PIEZO1: variants seen among roughly 807,000 people sequenced by gnomAD.
PIEZO1 encodes piezo type mechanosensitive ion channel component 1 (Er blood group), also known as piezo-type mechanosensitive ion channel component 1.
Under a neutral mutation model 297.2 loss-of-function variants are expected in PIEZO1, and 296 were observed. That is an observed-to-expected ratio of 1.00 (90% CI 0.91 to 1.10). The LOEUF is 1.10. Among genes scored for constraint, PIEZO1 ranks in the 50% least tolerant of loss-of-function variants. The probability of loss-of-function intolerance (pLI) is 0.00; values close to 1 mark genes in which losing one functional copy is unlikely to be tolerated. For synonymous variants in PIEZO1, 2,427 were observed against 1,507.5 expected, an observed-to-expected ratio of 1.61 and a Z score of -14.13; for missense variants, 5,018 against 3,455.5, an observed-to-expected ratio of 1.45 and a Z score of -11.34.
chr16:88,749,564 G>T (rs546840018), intron 1 of PIEZO1, 85 bp from the exon 2 acceptor site: 1 of 1,032,166 alleles, frequency 9.7e-7, no homozygotes. Context: ...GGCCCAGCTC[G>T]TCACACCGCC....
chr16:88,716,949 G>T, intron 45 of PIEZO1, 51 bp from the exon 46 acceptor site: 1 of 1,544,972 alleles, frequency 6.5e-7, no homozygotes, highest in South Asian at 1.2e-5. Flanking sequence ...TGGAGGAGCG[G>T]CTGGGGGTGG....
intron 1 of PIEZO1, among the ~76,000 whole-genome samples, chr16:88,766,388 A>G (rs1363561324): frequency 6.6e-6 from 1 of 152,234 alleles, no homozygotes; most frequent in East Asian, 1.9e-4. Context: ...CAGACGTGAC[A>G]GCCCCACAAT....
chr16:88,749,107 G>A (rs943133297), intron 2 of PIEZO1, among the ~76,000 whole-genome samples: 16 of 151,760 alleles, frequency 1.1e-4, no homozygotes, highest in South Asian at 4.2e-4. Context: ...AGGCGTGGTG[G>A]CGGGCGCCTG....
At chr16:88,766,072 G>C (rs111532330) in intron 1 of PIEZO1, among the ~76,000 whole-genome samples, 3,893 of 152,306 alleles carry the variant, frequency 0.026, 87 homozygotes, top group African/African-American at 0.051. Flanking sequence ...CGGCAGCGTG[G>C]GTGCCGTGGT....
At chr16:88,779,316 G>A (rs1273286684) in intron 1 of PIEZO1, among the ~76,000 whole-genome samples, 3 of 152,198 alleles carry the variant, frequency 2.0e-5, no homozygotes, top group Non-Finnish European at 4.4e-5. Flanking sequence ...TGGGATTACA[G>A]GTGTGAGCCA....
At chr16:88,717,561 C>T (rs937370632) in intron 44 of PIEZO1, 2 of 492,002 alleles carry the variant, frequency 4.1e-6, no homozygotes, top group Admixed American at 2.3e-5. Context: ...AAGAGCGAAA[C>T]TTCAGAGCTA....
At chr16:88,718,788 G>C (rs950358999) in intron 44 of PIEZO1, 1 of 152,916 alleles carries the variant, frequency 6.5e-6, no homozygotes, top group African/African-American at 2.4e-5. Context: ...GCTTAATGCA[G>C]CCCTGTACTC....
chr16:88,721,246 G>A lies in PIEZO1; in HGVS notation c.5588C>T (p.Pro1863Leu), dbSNP rs1380414244. 1.3e-6 allele frequency: 2 copies of A among 1,542,194 alleles called. No individual in the cohort carries two copies. The highest frequency in any genetic ancestry group is 1.7e-6 in the Non-Finnish European group (2 of 1,146,352). ...GTPEPQVELR[P>L]RDTRRISLRF... ...TAGACTGATGCGCCTCGTATCACGG[G>A]GCCTGAGCTCCACTTGGGGTTCTGG... Residue 1863 changes from proline (P) to leucine (L), a missense_variant, in exon 39 of 51, where the codon CCC becomes CTC. Coordinates refer to ENST00000301015, the MANE Select transcript of PIEZO1 (RefSeq NM_001142864.4).
At position 88,726,369 on chromosome 16, in the gene PIEZO1, GGAA is replaced by G. The variant is rs764131986; in HGVS notation, c.3880_3882del (p.Phe1294del). 18 of 1,550,324 alleles carry G rather than the reference GGAA, an allele frequency of 1.2e-5. No homozygotes were observed. Among genetic ancestry groups the G allele is most frequent in the Admixed American group, 2.0e-5 (1 of 50,992 alleles). The stretch of plus-strand genomic sequence containing the variant: ...AGGAAGACGCGGCGCTGCAGCAGCA[GGAA>G]GAAGAAGCAGACGCTGTCCCAGATG... On this transcript the variant is annotated inframe_deletion, in exon 27 of 51. Transcript: ENST00000301015.
intron 2 of PIEZO1, among the ~76,000 whole-genome samples, chr16:88,746,156 G>A (rs753023372): frequency 2.0e-5 from 3 of 152,208 alleles, no homozygotes; most frequent in Non-Finnish European, 2.9e-5. Context: ...GACAGCTAGG[G>A]CTGAGCTGCG....
chr16:88,726,993 C>T, intron 24 of PIEZO1, 35 bp from the exon 25 acceptor site: 5 of 1,549,030 alleles, frequency 3.2e-6, no homozygotes, highest in Non-Finnish European at 4.4e-6. Context: ...GGCGCCCCGG[C>T]CACCCCTCCC....
At position 88,723,100 on chromosome 16, in the gene PIEZO1, G is replaced by A. The variant is rs942117829; in HGVS notation, c.4490C>T (p.Ala1497Val). Residue 1497 changes from alanine to valine, a missense_variant, in exon 33 of 51, where the codon GCG becomes GTG. Ala to Val is a moderately conservative substitution (Grantham distance 64). Transcript: ENST00000301015. ...VEPAEGPEEA[A>V]AGRSHVVQRV... ...CCAGCCCCGGGCCCACGTACCTGCC[G>A]CTGCCTCCTCGGGGCCCTCTGCTGG... 1.6e-5 allele frequency: 25 copies of A among 1,547,778 alleles called. No individual in the cohort carries two copies. The highest frequency in any genetic ancestry group is 2.1e-5 in the Non-Finnish European group (24 of 1,146,656).
chr16:88,770,410 G>C (rs75325460), intron 1 of PIEZO1, among the ~76,000 whole-genome samples: 8,667 of 152,338 alleles, frequency 0.057, 292 homozygotes, highest in Middle Eastern at 0.099. Flanking sequence ...CCTGTCTGTG[G>C]GGTGGGGGGA....
At chr16:88,723,627 G>A (rs1904301116) in intron 31 of PIEZO1, among the ~76,000 whole-genome samples, 1 of 152,270 alleles carries the variant, frequency 6.6e-6, no homozygotes, top group Non-Finnish European at 1.5e-5. Context: ...CAGGCCACGG[G>A]CAGCCACCAG....
chr16:88,746,063 CT>C (rs1352332277), intron 2 of PIEZO1, among the ~76,000 whole-genome samples: 1 of 150,526 alleles, frequency 6.6e-6, no homozygotes, highest in Non-Finnish European at 1.5e-5. Context: ...TGGGAGCCCC[CT>C]GGAACCTGAT....
intron 1 of PIEZO1, among the ~76,000 whole-genome samples, chr16:88,775,746 A>C (rs565352750): frequency 6.7e-6 from 1 of 148,176 alleles, no homozygotes; most frequent in East Asian, 2.0e-4. Context: ...AAAAAAAAAG[A>C]AAAGAAAAAA....
chr16:88,763,573 G>C (rs1907026881), intron 1 of PIEZO1, among the ~76,000 whole-genome samples: 1 of 152,228 alleles, frequency 6.6e-6, no homozygotes, highest in Non-Finnish European at 1.5e-5. Flanking sequence ...TCGTCACCTG[G>C]AGCTGCCAGC....
chr16:88,727,155 C>A lies in PIEZO1; in HGVS notation c.3339G>T (p.Trp1113Cys). The change falls in exon 24 of 51, where the codon TGG becomes TGT. Residue 1113 changes from tryptophan (W) to cysteine (C), a missense_variant. By Grantham distance (215) the Trp-to-Cys change is radical. Transcript: ENST00000301015. ...FLLLLCASQQ[W>C]QVFSAERTEE... ...CTGTGCGCTCAGCTGAGAACACCTG[C>A]CACTGCTGGGAGGCGCACAGCAGCA... 1 of 1,548,860 alleles carries A rather than the reference C, an allele frequency of 6.5e-7. No homozygotes were observed. The highest frequency in any genetic ancestry group is 8.7e-7 in the Non-Finnish European group (1 of 1,146,068).
intron 5 of PIEZO1, chr16:88,739,866 C>CTGGCCT (rs138761309): frequency 0.041 from 5,931 of 145,484 alleles, 379 homozygotes; most frequent in African/African-American, 0.14. Context: ...GGCCCTGGCC[C>CTGGCCT]TGGGAAATCT....
Sources: allele counts gnomAD v4.1 joint callset (sites outside exome capture counted in the v4.1 genomes callset), GRCh38; gene constraint gnomAD v4.1.1; transcripts MANE v1.5; gene names NCBI Gene and HGNC (gene_info 2026-07-23, HGNC 2026-07-21).